The following NCKAP5 variants were observed in gnomAD, a reference collection of about 807,000 sequenced individuals.
NCKAP5 encodes the protein nck-associated protein 5.
In NCKAP5, 92 loss-of-function variants were observed where a neutral mutation model predicts 167.0. The ratio of observed to expected loss-of-function variants is 0.55; its 90% CI spans 0.47 to 0.66. The LOEUF (loss-of-function observed/expected upper bound fraction) is 0.66. NCKAP5 is among the 30% of genes least tolerant of loss of function. The pLI, the probability that NCKAP5 is intolerant of heterozygous loss-of-function variation, is 0.00. For synonymous variants in NCKAP5, 891 were observed against 877.4 expected (o/e 1.02, Z -0.27); for missense variants, 2,378 against 2,315.0 (o/e 1.03, Z -0.56).
chr2:132,958,350 T>C (rs1338760639), intron 8 of NCKAP5, among the ~76,000 whole-genome samples: 4 of 152,174 alleles, frequency 2.6e-5, no homozygotes, highest in Non-Finnish European at 5.9e-5. Flanking sequence ...TCTACTAATA[T>C]TGTTTGTTTG....
chr2:132,933,204 C>T (rs1248870096), intron 8 of NCKAP5, among the ~76,000 whole-genome samples: 1 of 152,160 alleles, frequency 6.6e-6, no homozygotes, highest in East Asian at 1.9e-4. Flanking sequence ...GGATTATCCT[C>T]TACTTCTAAC....
intron 3 of NCKAP5, among the ~76,000 whole-genome samples, chr2:133,377,671 G>T (rs1175891443): frequency 6.6e-6 from 1 of 152,156 alleles, no homozygotes; most frequent in Non-Finnish European, 1.5e-5. Context: ...TAATTTGCCT[G>T]GAAATAATGC....
intron 3 of NCKAP5, among the ~76,000 whole-genome samples, chr2:133,392,044 C>A (rs1455271758): frequency 6.6e-6 from 1 of 152,194 alleles, no homozygotes; most frequent in Non-Finnish European, 1.5e-5. Context: ...CACCAACTCA[C>A]CCCATCCCAC....
At chr2:133,424,926 C>CA (rs536237599) in intron 3 of NCKAP5, among the ~76,000 whole-genome samples, 57 of 151,864 alleles carry the variant, frequency 3.8e-4, no homozygotes, top group African/African-American at 1.0e-3. Context: ...AGCATTTTGA[C>CA]AAAAAAAATG....
intron 3 of NCKAP5, among the ~76,000 whole-genome samples, chr2:133,412,538 G>A (rs879741240): frequency 6.6e-6 from 1 of 152,172 alleles, no homozygotes; most frequent in East Asian, 1.9e-4. Flanking sequence ...AATGTGCTGA[G>A]ATGACTCTTC....
At chr2:133,031,658 C>A (rs2078884543) in intron 6 of NCKAP5, among the ~76,000 whole-genome samples, 1 of 151,590 alleles carries the variant, frequency 6.6e-6, no homozygotes, top group South Asian at 2.1e-4. Context: ...GCTGGCATCA[C>A]CCCTCCCCTA....
In NCKAP5 at chr2:132,785,088, G is replaced by A. The variant is rs1435471607; in HGVS notation, c.1723C>T (p.Leu575Phe). The A allele has an allele frequency of 2.5e-6, 4 of 1,613,946 alleles. No individual in the cohort carries two copies. In the African/African-American group the frequency reaches 5.3e-5, roughly 22 times the overall value. Residue 575 changes from leucine to phenylalanine, a missense_variant, in exon 14 of 20, where the codon CTC (leucine) becomes TTC (phenylalanine). By Grantham distance (22) the Leu-to-Phe change is conservative. Transcript: ENST00000409261. ...TCAGTGTCTGAAAGCTGGAGGTTGA[G>A]AGCCATGCGGCCATGGCCTTGGCCC... ...PQGQGHGRMA[L>F]NLQLSDTDDN...
intron 8 of NCKAP5, among the ~76,000 whole-genome samples, chr2:132,880,428 G>A (rs757487083): frequency 1.4e-4 from 22 of 152,124 alleles, no homozygotes; most frequent in Non-Finnish European, 2.6e-4. Context: ...TCAGGAGTTC[G>A]AGACCAGCCT....
At chr2:133,442,787 C>T (rs567688968) in intron 3 of NCKAP5, among the ~76,000 whole-genome samples, 11 of 152,288 alleles carry the variant, frequency 7.2e-5, no homozygotes, top group African/African-American at 2.4e-4. Flanking sequence ...ATGACAGCAC[C>T]AGTGCCAGAC....
At chr2:132,968,247 C>T (rs2076727248) in intron 7 of NCKAP5, among the ~76,000 whole-genome samples, 1 of 152,146 alleles carries the variant, frequency 6.6e-6, no homozygotes, top group African/African-American at 2.4e-5. Flanking sequence ...TTAGAAACAT[C>T]ATCCTGACTG....
chr2:133,659,291 AAAG>A, the NCKAP5 span, among the ~76,000 whole-genome samples: 1 of 152,186 alleles, frequency 6.6e-6, no homozygotes, highest in Non-Finnish European at 1.5e-5. Flanking sequence ...TCCACATGCA[AAAG>A]AATAAAGCTG....
the NCKAP5 span, among the ~76,000 whole-genome samples, chr2:133,609,316 T>G: frequency 6.6e-6 from 1 of 152,254 alleles, no homozygotes; most frequent in African/African-American, 2.4e-5. Flanking sequence ...AGAAGGCACA[T>G]GGCAAATGTT....
At chr2:132,760,120 A>G (rs1680878088) in intron 16 of NCKAP5, among the ~76,000 whole-genome samples, 2 of 152,126 alleles carry the variant, frequency 1.3e-5, no homozygotes, top group African/African-American at 4.8e-5. Flanking sequence ...ATTATTGCTC[A>G]GGATTTATTT....
At chr2:133,252,553 T>TA (rs770136698) in intron 4 of NCKAP5, among the ~76,000 whole-genome samples, 47 of 152,284 alleles carry the variant, frequency 3.1e-4, no homozygotes, top group Non-Finnish European at 6.3e-4. Context: ...TTGCGTACAG[T>TA]AATGCTGCCG....
chr2:132,702,295 G>A (rs894109896), intron 19 of NCKAP5, among the ~76,000 whole-genome samples: 2 of 152,258 alleles, frequency 1.3e-5, no homozygotes, highest in East Asian at 3.9e-4. Flanking sequence ...GAGGATGGCT[G>A]CTCCCTGGCA....
chr2:133,665,796 A>G, the NCKAP5 span, among the ~76,000 whole-genome samples: 1 of 152,244 alleles, frequency 6.6e-6, no homozygotes, highest in African/African-American at 2.4e-5. Flanking sequence ...AAAACTGTTA[A>G]CATTCATTTT....
chr2:132,689,274 C>T (rs1285982533), intron 19 of NCKAP5, among the ~76,000 whole-genome samples: 3 of 152,114 alleles, frequency 2.0e-5, no homozygotes, highest in Admixed American at 2.0e-4. Context: ...ATGAAGGGGT[C>T]AAGGGGAATA....
intron 6 of NCKAP5, among the ~76,000 whole-genome samples, chr2:133,020,935 C>G (rs571422005): frequency 6.6e-6 from 1 of 151,990 alleles, no homozygotes; most frequent in Admixed American, 6.6e-5. Context: ...GGAAATGCCT[C>G]CAGGCACCAG....
rs972481668 is a variant in NCKAP5 at position 132,845,124 on chromosome 2, T to C, written c.807+15368A>G. On this transcript the variant is annotated intron_variant, in intron 11 of 19. Coordinates refer to ENST00000409261, the MANE Select transcript of NCKAP5 (RefSeq NM_207363.3). ...GTTTCCTCTCCTGTTAACTGTTAAC[T>C]GTTAACTGTTTCTACTCTTGTCTTA... Among the ~76,000 whole-genome samples, 36 of 152,286 alleles carry C rather than the reference T, an allele frequency of 2.4e-4. 1 individual carries two copies. The highest frequency in any genetic ancestry group is 2.4e-3 in the Admixed American group (36 of 15,298).
Sources: gnomAD v4.1 joint callset for allele counts (sites outside exome capture counted in the v4.1 genomes callset) on GRCh38, gnomAD v4.1.1 for gene constraint, MANE v1.5 for transcripts, NCBI Gene and HGNC (gene_info 2026-07-23, HGNC 2026-07-21) for gene names.